TOP2A: variants seen among roughly 807,000 people sequenced by gnomAD.
TOP2A encodes the protein DNA topoisomerase II alpha.
In TOP2A, 68 loss-of-function variants were observed where a neutral mutation model predicts 187.2. The observed-to-expected ratio is 0.36, with a 90% CI of 0.30 to 0.44. The LOEUF (loss-of-function observed/expected upper bound fraction) is 0.44. Ranked by LOEUF, TOP2A falls within the 20% of genes least tolerant of loss-of-function variation. TOP2A has a pLI of 1.00. For missense variants in TOP2A, 1,196 were observed against 1,808.7 expected (o/e 0.66, Z 6.14); for synonymous variants, 542 against 593.2 (o/e 0.91, Z 1.25).
rs1330593452 is a variant in TOP2A, at chr17:40,400,509, A to G, written c.2799+20T>C. The G allele has an allele frequency of 6.2e-7, 1 of 1,603,092 alleles. No individual in the cohort carries two copies. Among genetic ancestry groups the G allele is most frequent in the Non-Finnish European group, 8.5e-7 (1 of 1,176,252 alleles). On this transcript the variant is annotated intron_variant, in intron 22 of 34. Coordinates refer to ENST00000423485, the MANE Select transcript of TOP2A (RefSeq NM_001067.4). ...TTTCTTTTGATCACAAACCTAAAAA[A>G]GAAATCCATAATTATTTACCTGGGT... is the stretch of plus-strand genomic sequence containing the variant.
At chr17:40,402,749 T>C (rs1299093481) in intron 20 of TOP2A, among the ~76,000 whole-genome samples, 157 bp downstream of exon 20, 5 of 152,232 alleles carry the variant, frequency 3.3e-5, no homozygotes, top group Admixed American at 1.3e-4. Flanking sequence ...GGATAATTGT[T>C]ATGGGGGGGC....
In TOP2A at chr17:40,404,205, C is replaced by T. The variant is rs760009669; in HGVS notation, c.2230G>A (p.Val744Ile). Residue 744 changes from valine (V) to isoleucine (I), a missense_variant, in exon 19 of 35, where the codon GTT (valine) becomes ATT (isoleucine). Val to Ile is a conservative substitution (Grantham distance 29). This residue lies in a region of TOP2A where 209 missense variants were observed against 376.9 expected (regional missense o/e 0.55). Coordinates refer to ENST00000423485, the MANE Select transcript of TOP2A (RefSeq NM_001067.4). ...GCCACTGATCCAGCTAATTGGGCAA[C>T]CTTTACTTCTCGCTTGTCATTCCGT... ...FKRNDKREVKVAQLAGSVAEM... is the reference protein window; with the variant it reads ...FKRNDKREVKIAQLAGSVAEM... 1 of 1,613,874 alleles carries T rather than the reference C, an allele frequency of 6.2e-7. No homozygotes were observed. The highest frequency in any genetic ancestry group is 8.5e-7 in the Non-Finnish European group (1 of 1,179,854).
chr17:40,402,434 T>C (rs1049681710), intron 20 of TOP2A, among the ~76,000 whole-genome samples: 7 of 151,970 alleles, frequency 4.6e-5, no homozygotes, highest in Non-Finnish European at 8.8e-5. Flanking sequence ...TATTTAGAGG[T>C]TGGGAAGGTG....
rs748114589 is a variant in TOP2A, at chr17:40,392,590, G to C, written c.3959C>G (p.Ala1320Gly). ...VPPRETEPRR[A>G]ATKTKFTMDL... The stretch of plus-strand genomic sequence containing the variant: ...TGTTCTTTAGTTTTCCTTACTTGCT[G>C]CTCTCCGTGGCTCTGTTTCTCGTGG... Residue 1320 changes from alanine to glycine, a missense_variant, in exon 30 of 35, where the codon GCA (alanine) becomes GGA (glycine). By Grantham distance (60) the Ala-to-Gly change is moderately conservative (BLOSUM62 0). Transcript: ENST00000423485. 3.1e-6 allele frequency: 5 copies of C among 1,607,282 alleles called. No individual in the cohort carries two copies. In the Admixed American group the frequency reaches 8.6e-5, roughly 28 times the overall value.
At chr17:40,397,113 A>C (rs1184059413) in intron 27 of TOP2A, among the ~76,000 whole-genome samples, 1 of 151,862 alleles carries the variant, frequency 6.6e-6, no homozygotes, top group Non-Finnish European at 1.5e-5. Flanking sequence ...TTGAACTCCT[A>C]ATCTCAAGTG....
intron 10 of TOP2A, chr17:40,408,926 G>T (rs374384665): frequency 2.2e-4 from 108 of 495,668 alleles, no homozygotes; most frequent in Middle Eastern, 1.0e-3. Flanking sequence ...CAGGCACGGT[G>T]GCTCACGCCT....
At chr17:40,399,187 G>GA in intron 24 of TOP2A, 56 bp from the exon 25 acceptor site, 5 of 1,268,902 alleles carry the variant, frequency 3.9e-6, no homozygotes, top group Non-Finnish European at 5.5e-6. Context: ...TTAGGAAGGG[G>GA]ATAAGGTTTT....
In TOP2A at chr17:40,400,613, A is replaced by T. The variant is rs758755407; in HGVS notation, c.2715T>A (p.Asn905Lys). The T allele has an allele frequency of 6.2e-7, 1 of 1,609,598 alleles. No homozygotes were observed. The highest frequency in any genetic ancestry group is 8.5e-7 in the Non-Finnish European group (1 of 1,178,526). ...CTACTTCACCACTAATCACATATTG[A>T]TTTGGAGCCAGTTCTTCAATAGTAC... ...FKGTIEELAP[N>K]QYVISGEVAI... The change falls in exon 22 of 35, where the codon AAT becomes AAA. Residue 905 changes from asparagine (N) to lysine (K), a missense_variant. Coordinates refer to ENST00000423485, the MANE Select transcript of TOP2A (RefSeq NM_001067.4).
At chr17:40,395,281 CAAA>C (rs755789593) in intron 29 of TOP2A, among the ~76,000 whole-genome samples, 165 bp downstream of exon 29, 1 of 54,854 alleles carries the variant, frequency 1.8e-5, no homozygotes, top group African/African-American at 7.3e-5. Context: ...GAAACTGTCT[CAAA>C]AAAAAAAAAA....
rs775641232 is a variant in TOP2A, at chr17:40,392,612, G to A, written c.3937C>T (p.Arg1313Ter). 1.9e-6 allele frequency: 3 copies of A among 1,612,784 alleles called. No individual in the cohort carries two copies. Among genetic ancestry groups the A allele is most frequent in the Non-Finnish European group, 2.5e-6 (3 of 1,179,602 alleles). ...GCTGCTCTCCGTGGCTCTGTTTCTCGTGGAGGGACATCAAAATTACTTTCG... is the reference window on the plus strand; with the variant it reads ...GCTGCTCTCCGTGGCTCTGTTTCTCATGGAGGGACATCAAAATTACTTTCG... Reference protein sequence around the residue: ...SDESNFDVPPRETEPRRAATK... With the variant: ...SDESNFDVPP Residue 1313 changes from arginine (R) to a stop codon, truncating the protein, a stop_gained, in exon 30 of 35, where the codon CGA (arginine) becomes TGA (stop). Transcript: ENST00000423485. LOFTEE classifies it high-confidence loss of function.
chr17:40,396,801 A>G (rs748404370), intron 27 of TOP2A, among the ~76,000 whole-genome samples: 12 of 152,218 alleles, frequency 7.9e-5, no homozygotes, highest in East Asian at 1.9e-4. Flanking sequence ...CACTTATCCA[A>G]CCAACTGATT....
chr17:40,408,142 A>G lies in TOP2A; in HGVS notation c.1343-18T>C, dbSNP rs369107381. ...TCGGCCCCCTAAAATAAAAATATAC[A>G]TATTAATATTAGCACATTTAGTTCA... On this transcript the variant is annotated intron_variant, in intron 11 of 34. Transcript: ENST00000423485. 5 of 1,550,404 alleles carry G rather than the reference A, an allele frequency of 3.2e-6. No homozygotes were observed. Among genetic ancestry groups the G allele is most frequent in the Non-Finnish European group, 3.5e-6 (4 of 1,143,662 alleles).
chr17:40,400,604 C>T lies in TOP2A; in HGVS notation c.2724G>A (p.Val908=). The T allele has an allele frequency of 6.2e-7, 1 of 1,610,818 alleles. No homozygotes were observed. Among genetic ancestry groups the T allele is most frequent in the South Asian group, 1.1e-5 (1 of 90,068 alleles). ...TIEELAPNQY[V]ISGEVAILNS... Reference sequence around the variant, plus strand: ...TAAGAATAGCTACTTCACCACTAATCACATATTGATTTGGAGCCAGTTCTT... The same window carrying T: ...TAAGAATAGCTACTTCACCACTAATTACATATTGATTTGGAGCCAGTTCTT... Residue 908 remains valine, a synonymous_variant, in exon 22 of 35, where the codon GTG becomes GTA. Coordinates refer to ENST00000423485, the MANE Select transcript of TOP2A (RefSeq NM_001067.4).
chr17:40,413,147 T>C, intron 6 of TOP2A, 48 bp downstream of exon 6: 3 of 1,391,036 alleles, frequency 2.2e-6, no homozygotes, highest in Non-Finnish European at 3.0e-6. Flanking sequence ...TATAAATGGC[T>C]ATACTACTAC....
rs1413708496 is a variant in TOP2A, at chr17:40,388,749, C to G, written c.*770G>C. On this transcript the variant is annotated 3_prime_UTR_variant, in exon 35 of 35. Transcript: ENST00000423485. ...TGGTTATCAATATAACATTTAAGAT[C>G]TTGGATCAAATGTTGTCCCCGAGTC... The G allele has an allele frequency of 5.2e-6, 1 of 192,690 alleles. No individual in the cohort carries two copies. The highest frequency in any genetic ancestry group is 1.1e-5 in the Non-Finnish European group (1 of 92,314). The allele number at this position is 192,690 out of a possible 1,614,324, so 11.9% of individuals were successfully genotyped here.
At chr17:40,412,271 C>T (rs889876317) in intron 7 of TOP2A, among the ~76,000 whole-genome samples, 8 of 152,118 alleles carry the variant, frequency 5.3e-5, no homozygotes, top group African/African-American at 9.7e-5. Flanking sequence ...GAAATTCCTT[C>T]GGTAAGTTTA....
In TOP2A at chr17:40,416,688, G is replaced by T. The variant is rs151170634; in HGVS notation, c.177+52C>A. On this transcript the variant is annotated intron_variant, in intron 2 of 34. Coordinates refer to ENST00000423485, the MANE Select transcript of TOP2A (RefSeq NM_001067.4). ...CAGTACATGAAAGGTACAGAAAGAA[G>T]AGTATCCATTTCAACTACTAGGTTA... The T allele has an allele frequency of 2.3e-4, 366 of 1,577,408 alleles. 1 individual carries two copies. The African/African-American group carries it at 4.6e-3, about 20-fold the overall frequency.
In TOP2A at chr17:40,407,579, A is replaced by G. The variant is rs2035264998; in HGVS notation, c.1596T>C (p.Arg532=). 2 of 1,592,792 alleles carry G rather than the reference A, an allele frequency of 1.3e-6. No individual in the cohort carries two copies. Among genetic ancestry groups the G allele is most frequent in the South Asian group, 1.2e-5 (1 of 85,718 alleles). Residue 532 remains arginine (R), a synonymous_variant, in exon 13 of 35, where the codon CGT becomes CGC. Transcript: ENST00000423485. Reference sequence around the variant, plus strand: ...CTGTCATAATCATTATCTTCCCATAACGAAGCGTCTTCAATGAATCTTCAT... The same window carrying G: ...CTGTCATAATCATTATCTTCCCATAGCGAAGCGTCTTCAATGAATCTTCAT... ...YEDEDSLKTL[R]YGKIMIMTDQ...
chr17:40,392,025 C>T (rs1260606989), intron 32 of TOP2A, 43 bp downstream of exon 32: 1 of 1,586,796 alleles, frequency 6.3e-7, no homozygotes, highest in Non-Finnish European at 8.6e-7. Flanking sequence ...ATCTGAGTGT[C>T]CCAGTAAGGC....
Sources: gnomAD v4.1 joint callset for allele counts (sites outside exome capture counted in the v4.1 genomes callset) on GRCh38, gnomAD v4.1.1 for gene constraint, gnomAD v4.1.1 regional missense constraint, MANE v1.5 for transcripts, NCBI Gene and HGNC (gene_info 2026-07-23, HGNC 2026-07-21) for gene names.